Variants in ARHGEF18 observed in about 807,000 individuals in gnomAD.
ARHGEF18 encodes rho guanine nucleotide exchange factor 18.
A neutral mutation model predicts 155.7 loss-of-function variants in ARHGEF18; 93 were observed. The observed-to-expected ratio is 0.60, with a 90% CI of 0.50 to 0.71. The LOEUF is 0.71. ARHGEF18 is among the 30% of genes least tolerant of loss of function. The probability of loss-of-function intolerance (pLI) is 0.00; values close to 1 mark genes in which losing one functional copy is unlikely to be tolerated. For synonymous variants in ARHGEF18, 742 were observed against 753.1 expected (o/e 0.99, Z 0.24); for missense variants, 1,593 against 1,816.1 (o/e 0.88, Z 2.23).
chr19:7,402,540 T>C (rs1159639781), intron 10 of ARHGEF18, among the ~76,000 whole-genome samples: 2 of 152,220 alleles, frequency 1.3e-5, no homozygotes, highest in Non-Finnish European at 2.9e-5. Context: ...ATGATAATTC[T>C]ATCTCAATAA....
intron 10 of ARHGEF18, among the ~76,000 whole-genome samples, chr19:7,426,863 TCTCA>T (rs1973697851): frequency 6.6e-6 from 1 of 152,178 alleles, no homozygotes; most frequent in Non-Finnish European, 1.5e-5. Context: ...GAATGCAGTT[TCTCA>T]CTGTGGACTC....
Position 7,442,008 on chromosome 19 carries a change from A to G in ARHGEF18, c.1316A>G (p.Lys439Arg). Reference sequence around the variant, plus strand: ...CTCGCCGTGGATGCAGCCTACGCCAAGAAGCAAAAGAGGGAGGTGGTGAAA... The same window carrying G: ...CTCGCCGTGGATGCAGCCTACGCCAGGAAGCAAAAGAGGGAGGTGGTGAAA... ...WSLAVDAAYA[K>R]KQKREVVKRQ... Residue 439 changes from lysine to arginine, a missense_variant, in exon 13 of 29, where the codon AAG (lysine) becomes AGG (arginine). By Grantham distance (26) the Lys-to-Arg change is conservative. Transcript: ENST00000668164. The G allele has an allele frequency of 6.2e-7, 1 of 1,614,096 alleles. No individual in the cohort carries two copies. Among genetic ancestry groups the G allele is most frequent in the South Asian group, 1.1e-5 (1 of 91,086 alleles).
rs1555699262 is a variant in ARHGEF18 at position 7,367,756 on chromosome 19, A to ATAT, written c.15+4851_15+4852insTAT. Among the ~76,000 whole-genome samples the ATAT allele has an allele frequency of 5.7e-5, 6 of 105,024 alleles. 2 individuals are homozygous for ATAT. The highest frequency in any genetic ancestry group is 2.8e-4 in the African/African-American group (5 of 17,930). 68.9% of individuals were successfully genotyped at this position (105,024 alleles called of 152,430 possible). On this transcript the variant is annotated intron_variant, in intron 2 of 28. Transcript: ENST00000668164. ...AGTGAAACTCCATCTCAAAAAAAAA[A>ATAT]AAATATATATATATATACACATATA... is the stretch of plus-strand genomic sequence containing the variant.
chr19:7,447,301 C>A, intron 15 of ARHGEF18, 133 bp downstream of exon 15: 5 of 765,892 alleles, frequency 6.5e-6, no homozygotes, highest in Non-Finnish European at 9.7e-6. Flanking sequence ...CCGTCCTGGC[C>A]AACATGGTGA....
At chr19:7,399,961 G>A (rs1971949421) in intron 10 of ARHGEF18, among the ~76,000 whole-genome samples, 1 of 151,942 alleles carries the variant, frequency 6.6e-6, no homozygotes, top group Admixed American at 6.6e-5. Flanking sequence ...TTGTGTGTGT[G>A]TTAGAGATAG....
chr19:7,390,920 G>A (rs1022614380), intron 10 of ARHGEF18, among the ~76,000 whole-genome samples: 1 of 151,978 alleles, frequency 6.6e-6, no homozygotes, highest in Non-Finnish European at 1.5e-5. Flanking sequence ...CCTGCCTGTA[G>A]TCCCAGCTAC....
At position 7,458,571 on chromosome 19, in the gene ARHGEF18, G is replaced by T. The variant is rs746544273; in HGVS notation, c.2241G>T (p.Glu747Asp). Residue 747 changes from glutamate to aspartate, a missense_variant, in exon 19 of 29, where the codon GAG (glutamate) becomes GAT (aspartate). By Grantham distance (45) the Glu-to-Asp change is conservative. Coordinates refer to ENST00000668164, the MANE Select transcript of ARHGEF18 (RefSeq NM_001367823.1). ...TCATCGTGAGGGAAGTGGCCAACGA[G>T]GAGAAAGCGATGTTTCTGATCAGCG... ...QKLIVREVAN[E>D]EKAMFLISAS... 2 of 1,614,138 alleles carry T rather than the reference G, an allele frequency of 1.2e-6. No homozygotes were observed. Among genetic ancestry groups the T allele is most frequent in the South Asian group, 2.2e-5 (2 of 91,080 alleles).
In ARHGEF18 at chr19:7,364,838, A is replaced by G. The variant is rs537451669; in HGVS notation, c.15+1933A>G. ...TCAGCTCCAGCTCCACCAGGGACCAAGACAGTCAGGTGGTGTGTGTTGGGT... is the reference window on the plus strand; with the variant it reads ...TCAGCTCCAGCTCCACCAGGGACCAGGACAGTCAGGTGGTGTGTGTTGGGT... On this transcript the variant is annotated intron_variant, in intron 2 of 28. Coordinates refer to ENST00000668164, the MANE Select transcript of ARHGEF18 (RefSeq NM_001367823.1). Among the ~76,000 whole-genome samples, 18 of 152,250 alleles carry G rather than the reference A, an allele frequency of 1.2e-4. No homozygotes were observed. In the East Asian group the frequency reaches 3.5e-3, roughly 29 times the overall value.
At chr19:7,400,649 A>G (rs888242085) in intron 10 of ARHGEF18, among the ~76,000 whole-genome samples, 5 of 152,202 alleles carry the variant, frequency 3.3e-5, no homozygotes, top group African/African-American at 1.2e-4. Context: ...CCTGGATAGC[A>G]TAGCAAGAAT....
chr19:7,364,402 A>AAGGCAGGC (rs1555698671), intron 2 of ARHGEF18, among the ~76,000 whole-genome samples: 49 of 129,746 alleles, frequency 3.8e-4, no homozygotes, highest in East Asian at 1.2e-3. Context: ...GGAAGGAAGG[A>AAGGCAGGC]AGGCAGGCTG....
At chr19:7,404,955 G>A (rs1972223433) in intron 10 of ARHGEF18, among the ~76,000 whole-genome samples, 1 of 147,468 alleles carries the variant, frequency 6.8e-6, no homozygotes, top group African/African-American at 2.7e-5. Flanking sequence ...AGACTCGGGT[G>A]CTTTATTTTT....
chr19:7,474,691 T>C (rs1169929975), downstream of ARHGEF18, among the ~76,000 whole-genome samples: 1 of 151,810 alleles, frequency 6.6e-6, no homozygotes, highest in African/African-American at 2.4e-5. Context: ...TTTTTCTTCA[T>C]TGTGGTCAAA....
intron 16 of ARHGEF18, among the ~76,000 whole-genome samples, chr19:7,453,208 C>G (rs1400135121): frequency 7.2e-5 from 11 of 151,810 alleles, no homozygotes; most frequent in Admixed American, 7.2e-4. Context: ...CCTACCCTCC[C>G]CCCCCCAAAA....
chr19:7,397,421 A>G (rs1345424338), intron 10 of ARHGEF18, among the ~76,000 whole-genome samples: 3 of 151,712 alleles, frequency 2.0e-5, no homozygotes, highest in Non-Finnish European at 4.4e-5. Flanking sequence ...ACGCGCTTCC[A>G]TGTCTGGCTA....
rs1977004215 is a variant in ARHGEF18, at chr19:7,471,264, G to C, written c.*966G>C. The C allele has an allele frequency of 6.4e-6, 1 of 157,422 alleles. No individual in the cohort carries two copies. The highest frequency in any genetic ancestry group is 1.4e-5 in the Non-Finnish European group (1 of 71,736). 9.8% of individuals were successfully genotyped at this position (157,422 alleles called of 1,614,324 possible). ...CCAGGGCATGCAGAGGATGCACCTA[G>C]AGACGTTGCAGCAAGTGGACAAGTG... On this transcript the variant is annotated 3_prime_UTR_variant, in exon 29 of 29. Transcript: ENST00000668164. The surrounding 1 kb of genome is among the most constrained non-coding windows in gnomAD (Gnocchi z 4.4).
At chr19:7,468,797 T>C (rs1435632464) in intron 26 of ARHGEF18, 28 bp from the exon 27 acceptor site, 33 of 1,507,818 alleles carry the variant, frequency 2.2e-5, no homozygotes, top group Middle Eastern at 1.9e-4. Context: ...GAACCTCACA[T>C]TGGATGTATC....
At chr19:7,368,187 A>G (rs1970029611) in intron 2 of ARHGEF18, among the ~76,000 whole-genome samples, 1 of 152,060 alleles carries the variant, frequency 6.6e-6, no homozygotes, top group South Asian at 2.1e-4. Flanking sequence ...ATAACTATTT[A>G]CATTTTTAAA....
intron 14 of ARHGEF18, among the ~76,000 whole-genome samples, chr19:7,445,558 G>C (rs1312343110): frequency 6.6e-6 from 1 of 152,136 alleles, no homozygotes; most frequent in Non-Finnish European, 1.5e-5. Flanking sequence ...CCCTTCATGT[G>C]ACCTCAAACT....
chr19:7,352,639 T>C (rs1969185862), intron 1 of ARHGEF18, among the ~76,000 whole-genome samples: 1 of 138,334 alleles, frequency 7.2e-6, no homozygotes, highest in South Asian at 2.5e-4. Context: ...GTTCACGCCA[T>C]TCTCCTGCCT....
Sources: gnomAD v4.1 joint callset for allele counts (sites outside exome capture counted in the v4.1 genomes callset) on GRCh38, gnomAD v4.1.1 for gene constraint, Gnocchi (gnomAD v3.1) non-coding constraint, MANE v1.5 for transcripts, NCBI Gene and HGNC (gene_info 2026-07-23, HGNC 2026-07-21) for gene names.